The following EDA variants were observed in gnomAD, a reference collection of about 807,000 sequenced individuals.
EDA encodes ectodysplasin A, also known as ectodysplasin-A.
Under a neutral mutation model 23.6 loss-of-function variants are expected in EDA, and 2 were observed. That is an observed-to-expected ratio of 0.08 (90% CI 0.03 to 0.27). The LOEUF is 0.27. Among genes scored for constraint, EDA ranks in the 10% least tolerant of loss-of-function variants. The pLI is 1.00. For synonymous variants in EDA, 131 were observed against 132.0 expected, an observed-to-expected ratio of 0.99 and a Z score of 0.05; for missense variants, 229 against 324.2, an observed-to-expected ratio of 0.71 and a Z score of 2.26.
chrX:69,704,097 A>G (rs768668545), intron 1 of EDA, among the ~76,000 whole-genome samples: 1 of 111,980 alleles, frequency 8.9e-6, no homozygotes, highest in East Asian at 2.8e-4. Flanking sequence ...CCTGTGACAC[A>G]GCCCCAGTAA....
chrX:70,031,581 A>G lies in EDA; in HGVS notation c.793+1061A>G, dbSNP rs2020200910. 2.7e-5 allele frequency among the ~76,000 whole-genome samples: 3 copies of G among 111,950 alleles called. No homozygotes were observed. In the Admixed American group the frequency reaches 2.8e-4, roughly 11 times the overall value. ...ACGGTAAAGGAAGGTTAAAAAAAACAGCTACATGGGGACAGTTTCTAAGAA... is the reference window on the plus strand; with the variant it reads ...ACGGTAAAGGAAGGTTAAAAAAAACGGCTACATGGGGACAGTTTCTAAGAA... On this transcript the variant is annotated intron_variant, in intron 6 of 7. Transcript: ENST00000374552.
chrX:69,827,896 G>T (rs1013457541), intron 1 of EDA, among the ~76,000 whole-genome samples: 1 of 111,693 alleles, frequency 9.0e-6, no homozygotes, highest in Non-Finnish European at 1.9e-5. Context: ...TGTCCTTTCT[G>T]ATTGTTAGTC....
intron 1 of EDA, among the ~76,000 whole-genome samples, chrX:69,830,429 CA>C (rs2016579660): frequency 9.0e-6 from 1 of 111,265 alleles, no homozygotes; most frequent in South Asian, 3.8e-4. Context: ...ATTGGTTAGC[CA>C]CACGTTGTAT....
chrX:69,848,876 C>T (rs1008290929), intron 1 of EDA, among the ~76,000 whole-genome samples: 12 of 110,742 alleles, frequency 1.1e-4, no homozygotes, highest in Non-Finnish European at 2.3e-4. Context: ...ATATGTGAGT[C>T]CTACTCCATA....
chrX:69,715,269 G>C (rs1362888501), intron 1 of EDA, among the ~76,000 whole-genome samples: 1 of 109,359 alleles, frequency 9.1e-6, no homozygotes, highest in African/African-American at 3.3e-5. Flanking sequence ...AGGCCCCAGT[G>C]TCTAACATTC....
At chrX:69,801,873 A>C (rs770121822) in intron 1 of EDA, among the ~76,000 whole-genome samples, 113 of 111,890 alleles carry the variant, frequency 1.0e-3, no homozygotes, top group Admixed American at 2.2e-3. Flanking sequence ...AGAATGTAGA[A>C]CGAGAGACAT....
chrX:69,744,369 C>G (rs1264678876), intron 1 of EDA, among the ~76,000 whole-genome samples: 1 of 111,954 alleles, frequency 8.9e-6, no homozygotes, highest in African/African-American at 3.2e-5. Context: ...ATGTGGAATT[C>G]TGACACAGAG....
intron 1 of EDA, among the ~76,000 whole-genome samples, chrX:69,749,193 GT>G (rs1393632094): frequency 1.2e-5 from 1 of 80,768 alleles, no homozygotes; most frequent in Non-Finnish European, 2.4e-5. Context: ...GCGGTGTTTG[GT>G]TTTTTGTTCT....
At chrX:69,893,923 C>T (rs986244871) in intron 1 of EDA, among the ~76,000 whole-genome samples, 2 of 111,931 alleles carry the variant, frequency 1.8e-5, no homozygotes, top group South Asian at 3.7e-4. Flanking sequence ...TCTAAGGTCT[C>T]CCCCAGCACC....
chrX:69,820,102 C>A (rs2147515198), intron 1 of EDA, among the ~76,000 whole-genome samples: 1 of 110,975 alleles, frequency 9.0e-6, no homozygotes, highest in African/African-American at 3.3e-5. Context: ...CACCTACAAC[C>A]ATTTGATCTT....
chrX:69,655,762 C>CTATCTATCTATCTATCTATATA (rs1933292184), intron 1 of EDA, among the ~76,000 whole-genome samples: 1 of 52,503 alleles, frequency 1.9e-5, no homozygotes, highest in African/African-American at 1.1e-4. Context: ...TCATTAGAAT[C>CTATCTATCTATCTATCTATATA]TATATATATA....
chrX:69,617,993 A>G (rs1350892477), intron 1 of EDA, among the ~76,000 whole-genome samples: 1 of 111,225 alleles, frequency 9.0e-6, no homozygotes, highest in Non-Finnish European at 1.9e-5. Context: ...GCACACTCCA[A>G]TTTATATAAC....
intron 1 of EDA, among the ~76,000 whole-genome samples, chrX:69,723,560 T>C (rs978406681): frequency 2.7e-5 from 3 of 111,996 alleles, no homozygotes; most frequent in Non-Finnish European, 3.8e-5. Flanking sequence ...GATGCAGCAA[T>C]TGTATGAAGG....
intron 2 of EDA, among the ~76,000 whole-genome samples, chrX:69,963,149 G>C (rs2019125849): frequency 8.9e-6 from 1 of 112,042 alleles, no homozygotes; most frequent in Admixed American, 9.5e-5. Context: ...GGAAAAACAA[G>C]ATTGAAATAT....
At chrX:69,938,001 A>G in intron 1 of EDA, 1 of 1,180,276 alleles carries the variant, frequency 8.5e-7, no homozygotes, top group Non-Finnish European at 1.2e-6. Context: ...GCTATGATGT[A>G]CAGTTGCTGC....
At chrX:69,990,950 T>C (rs753438201) in intron 2 of EDA, among the ~76,000 whole-genome samples, 9 of 111,049 alleles carry the variant, frequency 8.1e-5, no homozygotes, top group Non-Finnish European at 1.5e-4. Flanking sequence ...TTTCTATATT[T>C]TGTCATCTCC....
chrX:69,830,004 T>G (rs988510834), intron 1 of EDA, among the ~76,000 whole-genome samples: 18 of 111,717 alleles, frequency 1.6e-4, no homozygotes, highest in African/African-American at 5.9e-4. Flanking sequence ...TAATGTATTT[T>G]GGGCAGGCTT....
chrX:69,754,268 G>T (rs779830695), intron 1 of EDA, among the ~76,000 whole-genome samples: 4 of 111,430 alleles, frequency 3.6e-5, no homozygotes, highest in African/African-American at 6.5e-5. Context: ...AGGCCTGGTG[G>T]TGACAAAATC....
chrX:69,655,787 TTGCACTTTGTG>T (rs1933302839), intron 1 of EDA, among the ~76,000 whole-genome samples: 16 of 88,278 alleles, frequency 1.8e-4, no homozygotes, highest in East Asian at 4.2e-4. Flanking sequence ...TATATATATA[TTGCACTTTGTG>T]ATTTAAATTA....
Sources: gnomAD v4.1 joint callset for allele counts (sites outside exome capture counted in the v4.1 genomes callset) on GRCh38, gnomAD v4.1.1 for gene constraint, MANE v1.5 for transcripts, NCBI Gene and HGNC (gene_info 2026-07-23, HGNC 2026-07-21) for gene names.